The following SH2D4B variants were observed in gnomAD, a reference collection of about 807,000 sequenced individuals.
SH2D4B encodes SH2 domain-containing protein 4B.
Under a neutral mutation model 61.5 loss-of-function variants are expected in SH2D4B, and 45 were observed. The observed-to-expected ratio is 0.73, with a 90% confidence interval of 0.58 to 0.94. The LOEUF is 0.94. SH2D4B is among the 40% of genes least tolerant of loss of function. The pLI is 0.00. For synonymous variants in SH2D4B, 224 were observed against 220.4 expected (o/e 1.02, Z -0.14); for missense variants, 572 against 574.2 (o/e 1.00, Z 0.04).
At chr10:80,541,339 A>G (rs1230867144) in intron 1 of SH2D4B, among the ~76,000 whole-genome samples, 1 of 151,892 alleles carries the variant, frequency 6.6e-6, no homozygotes, top group Non-Finnish European at 1.5e-5. Flanking sequence ...TTCTTGTTTT[A>G]GCTGTTGTTT....
rs183893335 is a variant in SH2D4B at position 80,635,150 on chromosome 10, G to A, written c.1209+645G>A. Among the ~76,000 whole-genome samples the A allele has an allele frequency of 2.6e-5, 4 of 152,354 alleles. No homozygotes were observed. The East Asian group carries it at 7.7e-4, about 29-fold the overall frequency. On this transcript the variant is annotated intron_variant, in intron 7 of 7. Transcript: ENST00000646907. ...GCTTTGTGACTGTGAAGTGCTTATG[G>A]AAAGTCTTGTTTCTCAGCATTCTTT...
intron 1 of SH2D4B, among the ~76,000 whole-genome samples, chr10:80,563,411 T>C (rs73307131): frequency 0.014 from 2,138 of 152,340 alleles, 47 homozygotes; most frequent in African/African-American, 0.05. Flanking sequence ...CTCTTTACTC[T>C]GTTAATTGTT....
At chr10:80,627,021 G>A (rs548160826) in intron 6 of SH2D4B, among the ~76,000 whole-genome samples, 2 of 152,304 alleles carry the variant, frequency 1.3e-5, no homozygotes, top group East Asian at 3.9e-4. Context: ...GACCAAAGGA[G>A]AAGGGTCACA....
In SH2D4B at chr10:80,543,605, C is replaced by T. The variant is rs190924391; in HGVS notation, c.184+5090C>T. On this transcript the variant is annotated intron_variant, in intron 1 of 7. Coordinates refer to ENST00000646907, the MANE Select transcript of SH2D4B (RefSeq NM_001388272.1). ...CAAGGGCTGAGGAGTGCGGGCGCACCGCGCGGGACTGGCAGGCAGCTCCAC... is the reference window on the plus strand; with the variant it reads ...CAAGGGCTGAGGAGTGCGGGCGCACTGCGCGGGACTGGCAGGCAGCTCCAC... Among the ~76,000 whole-genome samples the T allele has an allele frequency of 3.6e-4, 55 of 152,346 alleles. 1 individual carries two copies. The highest frequency in any genetic ancestry group is 1.2e-3 in the African/African-American group (48 of 41,602).
intron 3 of SH2D4B, among the ~76,000 whole-genome samples, chr10:80,587,808 T>C (rs545992328): frequency 6.6e-6 from 1 of 152,152 alleles, no homozygotes; most frequent in Non-Finnish European, 1.5e-5. Context: ...GAGTACCCAG[T>C]GTTTAGCTTC....
chr10:80,641,881 A>C (rs1169645545), intron 7 of SH2D4B, among the ~76,000 whole-genome samples: 1 of 141,224 alleles, frequency 7.1e-6, no homozygotes, highest in Non-Finnish European at 1.6e-5. Context: ...ACTTCTATCA[A>C]TTAAAATTTT....
chr10:80,599,628 C>G (rs147590235), intron 4 of SH2D4B, among the ~76,000 whole-genome samples: 3 of 152,138 alleles, frequency 2.0e-5, no homozygotes, highest in East Asian at 1.9e-4. Context: ...AGGCGTTGCC[C>G]GCAGGCTTCA....
intron 3 of SH2D4B, among the ~76,000 whole-genome samples, chr10:80,576,696 C>T (rs139649058): frequency 2.4e-4 from 36 of 152,332 alleles, no homozygotes; most frequent in African/African-American, 8.4e-4. Flanking sequence ...TCTATTCCCC[C>T]TCCCTTTTTG....
chr10:80,562,894 C>CTTTTTTTTTTTTTTTTTTTTTTT (rs34539206), intron 1 of SH2D4B, among the ~76,000 whole-genome samples: 1 of 74,696 alleles, frequency 1.3e-5, no homozygotes, highest in African/African-American at 5.1e-5. Flanking sequence ...AACATTTTTT[C>CTTTTTTTTTTTTTTTTTTTTTTT]TTTTTTTTTT....
At chr10:80,581,857 G>T (rs1249483761) in intron 3 of SH2D4B, among the ~76,000 whole-genome samples, 1 of 152,176 alleles carries the variant, frequency 6.6e-6, no homozygotes, top group Non-Finnish European at 1.5e-5. Context: ...CTGCCTGGAA[G>T]ACCCCAGTGG....
intron 4 of SH2D4B, among the ~76,000 whole-genome samples, chr10:80,596,366 A>G (rs1451775222): frequency 1.3e-5 from 2 of 152,264 alleles, no homozygotes; most frequent in Non-Finnish European, 2.9e-5. Context: ...GCCTTAGGAC[A>G]GTCATTGCTC....
intron 1 of SH2D4B, among the ~76,000 whole-genome samples, chr10:80,562,133 A>G (rs1262979470): frequency 6.6e-6 from 1 of 152,100 alleles, no homozygotes; most frequent in Non-Finnish European, 1.5e-5. Context: ...TAACAACTTT[A>G]AAAAATTCCA....
At chr10:80,565,103 C>T (rs1437132304) in intron 1 of SH2D4B, among the ~76,000 whole-genome samples, 2 of 152,162 alleles carry the variant, frequency 1.3e-5, no homozygotes, top group South Asian at 2.1e-4. Flanking sequence ...GAAGTATGGC[C>T]GCTGGGATTG....
intron 3 of SH2D4B, among the ~76,000 whole-genome samples, chr10:80,584,253 T>C (rs1424621997): frequency 6.6e-6 from 1 of 152,144 alleles, no homozygotes; most frequent in Non-Finnish European, 1.5e-5. Flanking sequence ...TTGAGAGGTG[T>C]GCCATTTGTA....
At chr10:80,578,190 G>T (rs771090977) in intron 3 of SH2D4B, among the ~76,000 whole-genome samples, 6 of 151,948 alleles carry the variant, frequency 3.9e-5, no homozygotes, top group Non-Finnish European at 5.9e-5. Context: ...AGGCTCATCT[G>T]GAATTTCTGA....
At chr10:80,633,925 GC>G (rs1385722647) in intron 6 of SH2D4B, among the ~76,000 whole-genome samples, 1 of 152,200 alleles carries the variant, frequency 6.6e-6, no homozygotes, top group Admixed American at 6.5e-5. Flanking sequence ...CTTTTCACAA[GC>G]CTGTTGACTT....
intron 3 of SH2D4B, among the ~76,000 whole-genome samples, chr10:80,572,984 A>ATGTG (rs1283153702): frequency 3.6e-4 from 3 of 8,292 alleles, no homozygotes; most frequent in Non-Finnish European, 6.3e-4. Context: ...ATATATATAT[A>ATGTG]TATTTTTTTT....
chr10:80,538,644 TG>T lies in SH2D4B; in HGVS notation c.184+130del. The T allele has an allele frequency of 1.3e-6, 1 of 781,226 alleles. No homozygotes were observed. Among genetic ancestry groups the T allele is most frequent in the Non-Finnish European group, 1.8e-6 (1 of 561,384 alleles). 48.4% of individuals were successfully genotyped at this position (781,226 alleles called of 1,614,324 possible). ...ATGAGGGCTGGGGGCTTGAAACCCT[TG>T]TCTTGTGGGCATCAGGTCCCATGAG... On this transcript the variant is annotated intron_variant, in intron 1 of 7. Transcript: ENST00000646907. This position sits in a 1 kb window ranked among gnomAD's most constrained non-coding sequence, Gnocchi z 4.8.
Position 80,538,518 on chromosome 10 carries a change from A to G in SH2D4B, c.184+3A>G, listed in dbSNP as rs1269719248. 1.4e-6 allele frequency: 2 copies of G among 1,383,108 alleles called. No homozygotes were observed. Among genetic ancestry groups the G allele is most frequent in the African/African-American group, 2.9e-5 (2 of 68,152 alleles). The allele number at this position is 1,383,108 out of a possible 1,614,324, so 85.7% of individuals were successfully genotyped here. ...CAGGCCTCCAAAGACCAAGCGAGGT[A>G]CGTGGCTGGGAGTCACAGAGAGGTA... is the stretch of plus-strand genomic sequence containing the variant. On this transcript the variant is annotated splice_donor_region_variant and intron_variant, in intron 1 of 7. Coordinates refer to ENST00000646907, the MANE Select transcript of SH2D4B (RefSeq NM_001388272.1). The surrounding 1 kb of genome is among the most constrained non-coding windows in gnomAD (Gnocchi z 4.8).
Sources: allele counts gnomAD v4.1 joint callset (sites outside exome capture counted in the v4.1 genomes callset), GRCh38; gene constraint gnomAD v4.1.1; non-coding constraint Gnocchi (gnomAD v3.1); transcripts MANE v1.5; gene names NCBI Gene and HGNC (gene_info 2026-07-23, HGNC 2026-07-21).